The following ANGPT1 variants were observed in gnomAD, a reference collection of about 807,000 sequenced individuals.
ANGPT1 encodes angiopoietin-1.
A neutral mutation model predicts 62.2 loss-of-function variants in ANGPT1; 17 were observed. The observed-to-expected ratio is 0.27, with a 90% CI of 0.19 to 0.41. The LOEUF (loss-of-function observed/expected upper bound fraction) is 0.41, where lower values mean the gene tolerates loss of function less well. Ranked by LOEUF, ANGPT1 falls within the 10% of genes least tolerant of loss-of-function variation. The probability of loss-of-function intolerance (pLI) is 1.00; values close to 1 mark genes in which losing one functional copy is unlikely to be tolerated. For missense variants in ANGPT1, 478 were observed against 594.9 expected (o/e 0.80, Z 2.04); for synonymous variants, 199 against 198.9 (o/e 1.00, Z 0.00).
At chr8:107,321,044 G>A (rs1815138328) in intron 4 of ANGPT1, among the ~76,000 whole-genome samples, 1 of 151,986 alleles carries the variant, frequency 6.6e-6, no homozygotes, top group East Asian at 1.9e-4. Context: ...TCAGAGAAAG[G>A]CTGATTAGAG....
At chr8:107,468,033 A>G (rs181008286) in intron 1 of ANGPT1, among the ~76,000 whole-genome samples, 2 of 152,194 alleles carry the variant, frequency 1.3e-5, no homozygotes, top group Admixed American at 6.6e-5. Flanking sequence ...GGAGAGAAAG[A>G]CCTATTCTTT....
intron 3 of ANGPT1, among the ~76,000 whole-genome samples, chr8:107,328,024 G>A (rs1410951721): frequency 6.6e-6 from 1 of 152,034 alleles, no homozygotes; most frequent in Non-Finnish European, 1.5e-5. Context: ...CCACAATAGA[G>A]TTCTTAACAT....
chr8:107,265,465 G>A (rs773206692), intron 7 of ANGPT1, among the ~76,000 whole-genome samples: 2 of 152,124 alleles, frequency 1.3e-5, no homozygotes, highest in Non-Finnish European at 2.9e-5. Context: ...ACTTGCTCAC[G>A]TCCTTCAGTG....
chr8:107,261,969 T>A (rs1289778161), intron 8 of ANGPT1, among the ~76,000 whole-genome samples: 1 of 151,806 alleles, frequency 6.6e-6, no homozygotes, highest in Non-Finnish European at 1.5e-5. Context: ...CTGAGGTGGG[T>A]GGATGACCTG....
intron 2 of ANGPT1, among the ~76,000 whole-genome samples, chr8:107,338,146 G>T (rs1407873285): frequency 6.6e-6 from 1 of 152,052 alleles, no homozygotes; most frequent in East Asian, 1.9e-4. Flanking sequence ...CCCTGGGCTG[G>T]ACTTGGGCTA....
intron 5 of ANGPT1, among the ~76,000 whole-genome samples, chr8:107,302,661 A>T (rs1814620925): frequency 6.6e-6 from 1 of 151,932 alleles, no homozygotes; most frequent in South Asian, 2.1e-4. Flanking sequence ...TACAGCAGGA[A>T]GATAATGTTT....
intron 6 of ANGPT1, among the ~76,000 whole-genome samples, chr8:107,285,342 T>C (rs755066716): frequency 6.6e-6 from 1 of 152,158 alleles, no homozygotes; most frequent in Non-Finnish European, 1.5e-5. Flanking sequence ...CAAAAGTAAT[T>C]GCAGTTTTTG....
intron 1 of ANGPT1, among the ~76,000 whole-genome samples, chr8:107,418,534 C>T (rs1388133484): frequency 6.6e-6 from 1 of 152,106 alleles, no homozygotes; most frequent in Non-Finnish European, 1.5e-5. Context: ...AATTTCCATG[C>T]TTCTTTAGAT....
intron 4 of ANGPT1, among the ~76,000 whole-genome samples, chr8:107,307,524 T>C (rs1269341261): frequency 6.6e-6 from 1 of 152,106 alleles, no homozygotes. Flanking sequence ...TTGATATGTC[T>C]CCTCCACTCC....
intron 1 of ANGPT1, among the ~76,000 whole-genome samples, chr8:107,485,615 A>T (rs1024460045): frequency 6.6e-6 from 1 of 152,226 alleles, no homozygotes; most frequent in African/African-American, 2.4e-5. Flanking sequence ...AATAGGGACA[A>T]TGATAAATAA....
chr8:107,283,328 G>A (rs546340877), intron 7 of ANGPT1, among the ~76,000 whole-genome samples: 1 of 152,002 alleles, frequency 6.6e-6, no homozygotes, highest in Non-Finnish European at 1.5e-5. Flanking sequence ...CTGCCATTAA[G>A]TACACCCTCG....
At chr8:107,379,642 C>T (rs536558115) in intron 1 of ANGPT1, among the ~76,000 whole-genome samples, 46 of 152,046 alleles carry the variant, frequency 3.0e-4, no homozygotes, top group South Asian at 1.2e-3. Flanking sequence ...CCCACACAAA[C>T]GGGATCATGG....
chr8:107,492,518 G>A (rs1487239445), intron 1 of ANGPT1, among the ~76,000 whole-genome samples: 1 of 152,088 alleles, frequency 6.6e-6, no homozygotes, highest in African/African-American at 2.4e-5. Context: ...TGTATTTTTA[G>A]TAGAGACAGG....
chr8:107,418,182 A>T (rs1810801562), intron 1 of ANGPT1, among the ~76,000 whole-genome samples: 1 of 152,222 alleles, frequency 6.6e-6, no homozygotes, highest in Non-Finnish European at 1.5e-5. Flanking sequence ...AAGACAACAT[A>T]TGCAGTGAAA....
chr8:107,410,653 T>C lies in ANGPT1; in HGVS notation c.298-63556A>G, dbSNP rs553584967. Among the ~76,000 whole-genome samples the C allele has an allele frequency of 1.1e-4, 16 of 152,292 alleles. 1 individual carries two copies. In the South Asian group the frequency reaches 2.7e-3, roughly 26 times the overall value. On this transcript the variant is annotated intron_variant, in intron 1 of 8. Coordinates refer to ENST00000517746, the MANE Select transcript of ANGPT1 (RefSeq NM_001146.5). Reference sequence around the variant, plus strand: ...CTCAAACCCTCTCATGTTTCATTAATTATATATAAAAGTAACTTTCAGATT... The same window carrying C: ...CTCAAACCCTCTCATGTTTCATTAACTATATATAAAAGTAACTTTCAGATT...
intron 4 of ANGPT1, among the ~76,000 whole-genome samples, chr8:107,316,286 T>A (rs1815011624): frequency 6.6e-6 from 1 of 152,206 alleles, no homozygotes; most frequent in Non-Finnish European, 1.5e-5. Context: ...ACCTTCCCTG[T>A]CCAATATGGT....
At position 107,461,462 on chromosome 8, in the gene ANGPT1, A is replaced by T. The variant is rs116618211; in HGVS notation, c.297+35800T>A. On this transcript the variant is annotated intron_variant, in intron 1 of 8. Coordinates refer to ENST00000517746, the MANE Select transcript of ANGPT1 (RefSeq NM_001146.5). ...CACATTTTAATTTGTCCAAGTCAGG[A>T]TACTTTTTACAACCAAAGTGGTAAG... Among the ~76,000 whole-genome samples, 832 of 152,220 alleles carry T rather than the reference A, an allele frequency of 5.5e-3. 7 individuals are homozygous for T. The highest frequency in any genetic ancestry group is 0.019 in the African/African-American group (788 of 41,544).
Position 107,342,782 on chromosome 8 carries a change from T to TACACACAC in ANGPT1, c.453+4152_453+4159dup, listed in dbSNP as rs751210643. Among the ~76,000 whole-genome samples the TACACACAC allele has an allele frequency of 5.2e-3, 727 of 138,608 alleles. 5 individuals carry two copies. The highest frequency in any genetic ancestry group is 9.6e-3 in the African/African-American group (351 of 36,740). The allele number at this position is 138,608 out of a possible 152,430, so 90.9% of individuals were successfully genotyped here. ...AACAAACTGTTCCTGAACTGCCTAA[T>TACACACAC]ACACACACACACACACACACACACA... On this transcript the variant is annotated intron_variant, in intron 2 of 8. Transcript: ENST00000517746.
At chr8:107,451,762 A>C in intron 1 of ANGPT1, among the ~76,000 whole-genome samples, 1 of 151,904 alleles carries the variant, frequency 6.6e-6, no homozygotes, top group East Asian at 1.9e-4. Context: ...TGAAAAAGGA[A>C]GGAAGATGTT....
Sources: gnomAD v4.1 joint callset for allele counts (sites outside exome capture counted in the v4.1 genomes callset) on GRCh38, gnomAD v4.1.1 for gene constraint, MANE v1.5 for transcripts, NCBI Gene and HGNC (gene_info 2026-07-23, HGNC 2026-07-21) for gene names.